Variants in CLOCK observed in about 807,000 individuals in gnomAD.
CLOCK encodes the protein clock circadian regulator.
A neutral mutation model predicts 118.4 loss-of-function variants in CLOCK; 43 were observed. The ratio of observed to expected loss-of-function variants is 0.36; its 90% confidence interval spans 0.28 to 0.47. The LOEUF is 0.47. Among genes scored for constraint, CLOCK ranks in the 20% least tolerant of loss-of-function variants. CLOCK has a pLI of 1.00. For synonymous variants in CLOCK, 326 were observed against 339.2 expected, an observed-to-expected ratio of 0.96 and a Z score of 0.43; for missense variants, 846 against 999.9, an observed-to-expected ratio of 0.85 and a Z score of 2.08.
intron 20 of CLOCK, among the ~76,000 whole-genome samples, chr4:55,443,235 G>C: frequency 6.6e-6 from 1 of 152,078 alleles, no homozygotes; most frequent in Non-Finnish European, 1.5e-5. Context: ...CAGCACTTTG[G>C]GAGGCTGAGG....
chr4:55,499,299 A>T (rs1190556901), intron 2 of CLOCK, among the ~76,000 whole-genome samples: 1 of 152,196 alleles, frequency 6.6e-6, no homozygotes, highest in Non-Finnish European at 1.5e-5. Flanking sequence ...TTCCATTAAC[A>T]TCCTCTAAAG....
At chr4:55,461,922 T>G (rs1458458533) in intron 9 of CLOCK, among the ~76,000 whole-genome samples, 1 of 152,218 alleles carries the variant, frequency 6.6e-6, no homozygotes, top group Non-Finnish European at 1.5e-5. Flanking sequence ...TTATTCTTTC[T>G]CTAGACACAA....
At chr4:55,500,278 A>G (rs1728349213) in intron 2 of CLOCK, among the ~76,000 whole-genome samples, 1 of 151,958 alleles carries the variant, frequency 6.6e-6, no homozygotes. Context: ...TTTACTTTCG[A>G]AAGTCTTCAG....
chr4:55,462,851 A>AGT (rs61436394), intron 9 of CLOCK, among the ~76,000 whole-genome samples: 30 of 151,424 alleles, frequency 2.0e-4, no homozygotes, highest in African/African-American at 2.7e-4. Flanking sequence ...GATTTGTGTG[A>AGT]GTGTGTGTGT....
Position 55,484,689 on chromosome 4 carries a change from C to T in CLOCK, c.-43-1861G>A, listed in dbSNP as rs571373827. Among the ~76,000 whole-genome samples the T allele has an allele frequency of 3.3e-5, 5 of 152,086 alleles. No homozygotes were observed. The South Asian group carries it at 1.0e-3, about 32-fold the overall frequency. ...AAAGTTCAAAAGGCCAGATCTGAGC[C>T]TTATAAGGCACCCAGTAAGTATGGC... On this transcript the variant is annotated intron_variant, in intron 3 of 22. Coordinates refer to ENST00000513440, the MANE Select transcript of CLOCK (RefSeq NM_004898.4).
chr4:55,442,687 G>A (rs1305725312), intron 20 of CLOCK, 53 bp from the exon 21 acceptor site: 6 of 1,438,542 alleles, frequency 4.2e-6, no homozygotes, highest in Non-Finnish European at 5.8e-6. Context: ...TAATTATTTG[G>A]GAAGTATGCT....
chr4:55,476,008 T>C lies in CLOCK; in HGVS notation c.303A>G (p.Lys101=), dbSNP rs751422914. 2.1e-5 allele frequency: 34 copies of C among 1,613,114 alleles called. No homozygotes were observed. The highest frequency in any genetic ancestry group is 2.9e-5 in the Non-Finnish European group (34 of 1,179,248). ...SDASEIRQDW[K]PTFLSNEEFT... is the part of the protein sequence containing the mutation. Reference sequence around the variant, plus strand: ...ACTCTTCATTACTAAGGAATGTAGGTTTCCAGTCCTGTCGAATTTCACTAG... The same window carrying C: ...ACTCTTCATTACTAAGGAATGTAGGCTTCCAGTCCTGTCGAATTTCACTAG... Residue 101 remains lysine, a synonymous_variant, in exon 7 of 23, where the codon AAA becomes AAG. Transcript: ENST00000513440.
chr4:55,511,471 A>G (rs1729142553), intron 1 of CLOCK, among the ~76,000 whole-genome samples: 1 of 152,194 alleles, frequency 6.6e-6, no homozygotes, highest in Non-Finnish European at 1.5e-5. Context: ...TAGCTTTTCT[A>G]ATTTAATACC....
At chr4:55,495,231 G>A (rs766205960) in intron 2 of CLOCK, among the ~76,000 whole-genome samples, 5 of 151,852 alleles carry the variant, frequency 3.3e-5, no homozygotes, top group Non-Finnish European at 5.9e-5. Flanking sequence ...CCCAATTCCC[G>A]AAATCCTTTC....
intron 6 of CLOCK, 37 bp downstream of exon 6, chr4:55,478,778 T>C (rs763725466): frequency 1.0e-5 from 16 of 1,597,738 alleles, no homozygotes; most frequent in African/African-American, 1.3e-5. Flanking sequence ...ACTAATGCTT[T>C]GAGAGTCTGT....
rs371742339 is a variant in CLOCK at position 55,513,235 on chromosome 4, TCTTA to T, written c.-289-3174_-289-3171del. On this transcript the variant is annotated intron_variant, in intron 1 of 22. Transcript: ENST00000513440. ...CTTTTCTACATTCAGATACACAAAC[TCTTA>T]CTGTTATATTAAAATTACCTATAGT... 3.6e-3 allele frequency among the ~76,000 whole-genome samples: 552 copies of T among 152,224 alleles called. 3 individuals carry two copies. The highest frequency in any genetic ancestry group is 0.012 in the African/African-American group (519 of 41,556).
At chr4:55,476,318 G>A (rs1212060438) in intron 6 of CLOCK, among the ~76,000 whole-genome samples, 1 of 152,096 alleles carries the variant, frequency 6.6e-6, no homozygotes, top group African/African-American at 2.4e-5. Flanking sequence ...TGTTGCTGAT[G>A]GGCCTGAGAT....
intron 12 of CLOCK, 77 bp downstream of exon 12, chr4:55,456,141 T>C (rs1724908448): frequency 7.4e-7 from 1 of 1,345,688 alleles, no homozygotes; most frequent in Non-Finnish European, 1.0e-6. Context: ...TAAAAAAAAG[T>C]TTGCCCTTGA....
At chr4:55,464,971 T>C (rs1020522574) in intron 8 of CLOCK, among the ~76,000 whole-genome samples, 1 of 152,212 alleles carries the variant, frequency 6.6e-6, no homozygotes, top group African/African-American at 2.4e-5. Context: ...TATCTGTATC[T>C]TTCCCCTTTC....
At position 55,479,728 on chromosome 4, in the gene CLOCK, A is replaced by G. The variant is rs778073695; in HGVS notation, c.48-29T>C. On this transcript the variant is annotated intron_variant, in intron 4 of 22. Transcript: ENST00000513440. Reference sequence around the variant, plus strand: ...AAAGAAAGCGGATAGAGAAAGTAAGAGCAGACTCACTAAGCAACAGCAATA... The same window carrying G: ...AAAGAAAGCGGATAGAGAAAGTAAGGGCAGACTCACTAAGCAACAGCAATA... 1.9e-6 allele frequency: 3 copies of G among 1,575,748 alleles called. No homozygotes were observed. The Admixed American group carries it at 5.0e-5, about 26-fold the overall frequency.
chr4:55,516,744 T>C (rs12510327), intron 1 of CLOCK, among the ~76,000 whole-genome samples: 46,277 of 152,132 alleles, frequency 0.3, 7,650 homozygotes, highest in East Asian at 0.58. Context: ...GTGATTGCTT[T>C]CTGTTCTTTA....
Position 55,438,630 on chromosome 4 carries a change from C to G in CLOCK, c.2106-93G>C, listed in dbSNP as rs538130221. Reference sequence around the variant, plus strand: ...AGTAAATACTTACCTAAGATAATACCCAATGACATTGCCAGTTTGTTTTTC... The same window carrying G: ...AGTAAATACTTACCTAAGATAATACGCAATGACATTGCCAGTTTGTTTTTC... On this transcript the variant is annotated intron_variant, in intron 21 of 22. Coordinates refer to ENST00000513440, the MANE Select transcript of CLOCK (RefSeq NM_004898.4). 85 of 1,577,418 alleles carry G rather than the reference C, an allele frequency of 5.4e-5. 1 individual carries two copies. In the South Asian group the frequency reaches 9.4e-4, roughly 17 times the overall value.
rs769962262 is a variant in CLOCK at position 55,438,440 on chromosome 4, C to T, written c.2203G>A (p.Val735Met). The change falls in exon 22 of 23, where the codon GTG (valine) becomes ATG (methionine). Residue 735 changes from valine to methionine, a missense_variant. Coordinates refer to ENST00000513440, the MANE Select transcript of CLOCK (RefSeq NM_004898.4). ...VPSTMLMGQV[V>M]TAYPTFATQQ... ...GTAGCAAAAGTAGGATATGCAGTCA[C>T]CACCTGGCCCATAAGCATAGTACTA... 2 of 1,613,846 alleles carry T rather than the reference C, an allele frequency of 1.2e-6. No homozygotes were observed. The highest frequency in any genetic ancestry group is 2.2e-5 in the South Asian group (2 of 91,056).
chr4:55,487,895 A>C (rs1362618343), intron 3 of CLOCK, among the ~76,000 whole-genome samples: 1 of 152,122 alleles, frequency 6.6e-6, no homozygotes, highest in Non-Finnish European at 1.5e-5. Flanking sequence ...TTTCTTCTCC[A>C]TTCTCTCTGT....
Sources: gnomAD v4.1 joint callset for allele counts (sites outside exome capture counted in the v4.1 genomes callset) on GRCh38, gnomAD v4.1.1 for gene constraint, MANE v1.5 for transcripts, NCBI Gene and HGNC (gene_info 2026-07-23, HGNC 2026-07-21) for gene names.